LASP1: variants seen among roughly 807,000 people sequenced by gnomAD.
The protein encoded by LASP1 is LIM and SH3 domain protein 1.
LASP1 carries 10 observed loss-of-function variants against 38.6 expected under a neutral mutation model. That is an observed-to-expected ratio of 0.26 (90% CI 0.16 to 0.44). The LOEUF is 0.44. Among genes scored for constraint, LASP1 ranks in the 20% least tolerant of loss-of-function variants. LASP1 has a pLI of 1.00. For missense variants in LASP1, 243 were observed against 375.7 expected (o/e 0.65, Z 2.92); for synonymous variants, 132 against 140.8 (o/e 0.94, Z 0.44).
At chr17:38,893,562 G>C (rs1327671717) in intron 3 of LASP1, among the ~76,000 whole-genome samples, 1 of 152,128 alleles carries the variant, frequency 6.6e-6, no homozygotes, top group Non-Finnish European at 1.5e-5. Flanking sequence ...CTGAGGGCAG[G>C]ATAGGCAGGG....
intron 4 of LASP1, among the ~76,000 whole-genome samples, chr17:38,913,240 T>C (rs1298524222): frequency 6.6e-6 from 1 of 152,202 alleles, no homozygotes; most frequent in Non-Finnish European, 1.5e-5. Flanking sequence ...GAGCCTCACA[T>C]GCCCGCCTAG....
chr17:38,904,885 T>C (rs1358881925), intron 4 of LASP1, among the ~76,000 whole-genome samples: 1 of 152,242 alleles, frequency 6.6e-6, no homozygotes, highest in Non-Finnish European at 1.5e-5. Flanking sequence ...GGCAGGTTTG[T>C]TGGACAATCC....
intron 3 of LASP1, chr17:38,897,111 C>G: frequency 2.0e-6 from 2 of 975,722 alleles, no homozygotes; most frequent in Non-Finnish European, 2.4e-6. Flanking sequence ...TGCCTCTATC[C>G]ACTGCATTCA....
intron 2 of LASP1, among the ~76,000 whole-genome samples, chr17:38,879,366 C>A (rs887538148): frequency 5.3e-5 from 8 of 151,766 alleles, no homozygotes; most frequent in African/African-American, 1.9e-4. Flanking sequence ...CCGTGTTGGC[C>A]AGGCTGGTCT....
chr17:38,902,477 GACT>G (rs201445248), intron 4 of LASP1, among the ~76,000 whole-genome samples: 6,479 of 150,336 alleles, frequency 0.043, 332 homozygotes, highest in African/African-American at 0.12. Context: ...AAAGTTCTGG[GACT>G]ACTACAGGCA....
At chr17:38,890,651 C>T (rs1230284636) in intron 3 of LASP1, 147 bp downstream of exon 3, 6 of 714,834 alleles carry the variant, frequency 8.4e-6, no homozygotes, top group Non-Finnish European at 9.7e-6. Flanking sequence ...TAATCTTGAC[C>T]CCACCCCTGA....
intron 2 of LASP1, among the ~76,000 whole-genome samples, chr17:38,888,474 C>T (rs1046985109): frequency 6.6e-6 from 1 of 152,148 alleles, no homozygotes; most frequent in Admixed American, 6.6e-5. Context: ...AACAGGATTT[C>T]GCCATGTTAG....
intron 1 of LASP1, among the ~76,000 whole-genome samples, chr17:38,870,678 C>CG (rs950251663): frequency 2.2e-3 from 54 of 24,586 alleles, no homozygotes; most frequent in African/African-American, 7.0e-3. Context: ...GTGGAGGGGG[C>CG]GGGGGGGCGG....
chr17:38,916,715 G>A (rs1915140237), intron 6 of LASP1: 1 of 151,558 alleles, frequency 6.6e-6, no homozygotes, highest in African/African-American at 2.4e-5. Context: ...TATAAAATTA[G>A]CTCGGCATGG....
intron 1 of LASP1, among the ~76,000 whole-genome samples, chr17:38,877,465 G>A (rs943251536): frequency 3.9e-5 from 6 of 152,176 alleles, no homozygotes; most frequent in Non-Finnish European, 8.8e-5. Context: ...GATGTGTTGT[G>A]TTGACAGAGC....
At chr17:38,896,779 T>A (rs1914503002) in intron 3 of LASP1, 1 of 319,320 alleles carries the variant, frequency 3.1e-6, no homozygotes, top group Admixed American at 6.5e-5. Flanking sequence ...TGGCCCAAGA[T>A]CACTCAGAAG....
intron 1 of LASP1, among the ~76,000 whole-genome samples, chr17:38,870,681 G>A (rs1184905280): frequency 6.6e-6 from 1 of 152,146 alleles, no homozygotes; most frequent in Non-Finnish European, 1.5e-5. Flanking sequence ...GAGGGGGCGG[G>A]GGGGCGGGGC....
intron 2 of LASP1, chr17:38,890,202 C>T: frequency 1.8e-6 from 1 of 556,832 alleles, no homozygotes; most frequent in Non-Finnish European, 3.2e-6. Context: ...ATCACTGATG[C>T]CTGCTGCGTC....
Position 38,898,472 on chromosome 17 carries a change from A to G in LASP1, c.310A>G (p.Thr104Ala). Residue 104 changes from threonine (T) to alanine (A), a missense_variant, in exon 4 of 7, where the codon ACG becomes GCG. By Grantham distance (58) the Thr-to-Ala change is moderately conservative (BLOSUM62 0). Around this residue, in one of 4 missense-constraint regions of LASP1, gnomAD observed 33 missense variants for 39.8 expected, o/e 0.83. Coordinates refer to ENST00000318008, the MANE Select transcript of LASP1 (RefSeq NM_006148.4). Reference protein sequence around the residue: ...KGKGFSVVADTPELQRIKKTQ... With the variant: ...KGKGFSVVADAPELQRIKKTQ... ...CAAAGGTTTCAGCGTAGTGGCAGAC[A>G]CGCCCGAGCTCCAGAGAATCAAGAA... The G allele has an allele frequency of 2.6e-6, 4 of 1,551,674 alleles. No homozygotes were observed. Among genetic ancestry groups the G allele is most frequent in the Non-Finnish European group, 2.6e-6 (3 of 1,146,920 alleles).
At chr17:38,917,317 C>T (rs1915160250) in intron 6 of LASP1, among the ~76,000 whole-genome samples, 1 of 152,138 alleles carries the variant, frequency 6.6e-6, no homozygotes, top group South Asian at 2.1e-4. Flanking sequence ...TCAAACTGTC[C>T]TGTGGAGCCT....
chr17:38,902,372 C>A (rs1280745723), intron 4 of LASP1, among the ~76,000 whole-genome samples: 2 of 84,292 alleles, frequency 2.4e-5, no homozygotes, highest in East Asian at 3.1e-4. Context: ...CCCAGGGGAG[C>A]TTTTTTTTTT....
At position 38,918,188 on chromosome 17, in the gene LASP1, A is replaced by G. The variant is rs981805675; in HGVS notation, c.613-417A>G. Among the ~76,000 whole-genome samples, 5 of 150,602 alleles carry G rather than the reference A, an allele frequency of 3.3e-5. 1 individual carries two copies. The highest frequency in any genetic ancestry group is 7.1e-3 in the Middle Eastern group (2 of 282). On this transcript the variant is annotated intron_variant, in intron 6 of 6. Coordinates refer to ENST00000318008, the MANE Select transcript of LASP1 (RefSeq NM_006148.4). The surrounding 1 kb of genome is among the most constrained non-coding windows in gnomAD (Gnocchi z 4.4). The stretch of plus-strand genomic sequence containing the variant: ...GTTGGGGGGTCTTACTGTGTTTCCC[A>G]GGCTGATTTCAAACTTCTGGGCTCA...
intron 6 of LASP1, among the ~76,000 whole-genome samples, chr17:38,917,447 G>A (rs1310356933): frequency 1.3e-5 from 2 of 151,812 alleles, no homozygotes; most frequent in African/African-American, 4.8e-5. Context: ...GTAGTAGGTG[G>A]CGCTGTAGGT....
intron 4 of LASP1, among the ~76,000 whole-genome samples, chr17:38,910,457 C>T (rs572119908): frequency 6.6e-6 from 1 of 151,960 alleles, no homozygotes; most frequent in Non-Finnish European, 1.5e-5. Context: ...TTCTTCCCCC[C>T]CTCCACCGCC....
Sources: allele counts gnomAD v4.1 joint callset (sites outside exome capture counted in the v4.1 genomes callset), GRCh38; gene constraint gnomAD v4.1.1; regional missense constraint gnomAD v4.1.1; non-coding constraint Gnocchi (gnomAD v3.1); transcripts MANE v1.5; gene names NCBI Gene and HGNC (gene_info 2026-07-23, HGNC 2026-07-21).